OSBP2: variants seen among roughly 807,000 people sequenced by gnomAD.
OSBP2 encodes the protein oxysterol-binding protein 2.
OSBP2 carries 66 observed loss-of-function variants against 96.0 expected under a neutral mutation model. The ratio of observed to expected loss-of-function variants is 0.69; its 90% CI spans 0.56 to 0.84. The LOEUF (loss-of-function observed/expected upper bound fraction) is 0.84. Ranked by LOEUF, OSBP2 falls within the 40% of genes least tolerant of loss-of-function variation. OSBP2 has a pLI of 0.00. For missense variants in OSBP2, 1,038 were observed against 1,222.7 expected, an observed-to-expected ratio of 0.85 and a Z score of 2.25; for synonymous variants, 525 against 520.9, an observed-to-expected ratio of 1.01 and a Z score of -0.11.
chr22:30,708,621 T>C (rs963156037), intron 1 of OSBP2, among the ~76,000 whole-genome samples: 2 of 149,584 alleles, frequency 1.3e-5, no homozygotes, highest in Non-Finnish European at 3.0e-5. Flanking sequence ...CCCGAGTAGC[T>C]GGGATTACAG....
intron 1 of OSBP2, among the ~76,000 whole-genome samples, chr22:30,709,645 T>G (rs1170105461): frequency 1.3e-5 from 2 of 151,704 alleles, no homozygotes; most frequent in Non-Finnish European, 2.9e-5. Flanking sequence ...CCTCCTGAAG[T>G]GCTGAGATTA....
intron 2 of OSBP2, among the ~76,000 whole-genome samples, chr22:30,848,099 A>G (rs1232321414): frequency 6.6e-6 from 1 of 152,182 alleles, no homozygotes; most frequent in African/African-American, 2.4e-5. Flanking sequence ...ACAGAGTTCC[A>G]TTAGATTCCC....
In OSBP2 at chr22:30,888,281, T is replaced by C; in HGVS notation, c.1359T>C (p.Phe453=). The change falls in exon 5 of 14, where the codon TTT becomes TTC. Residue 453 remains phenylalanine, a synonymous_variant. Coordinates refer to ENST00000332585, the MANE Select transcript of OSBP2 (RefSeq NM_030758.4). ...AGGAAGATGAAGATACCGAGTACTT[T>C]GATGCCATGGAAGACTCCACATCCT... The part of the protein sequence containing the change: ...DSEEDEDTEY[F]DAMEDSTSFI... 1 of 1,614,002 alleles carries C rather than the reference T, an allele frequency of 6.2e-7. No individual in the cohort carries two copies. Among genetic ancestry groups the C allele is most frequent in the Non-Finnish European group, 8.5e-7 (1 of 1,179,898 alleles).
chr22:30,858,244 T>C (rs376837784), intron 2 of OSBP2, among the ~76,000 whole-genome samples: 5,394 of 149,732 alleles, frequency 0.036, 187 homozygotes, highest in African/African-American at 0.096. Context: ...CTTCCCGGGT[T>C]CACGCCATTC....
At chr22:30,843,600 A>C (rs781361141) in intron 2 of OSBP2, among the ~76,000 whole-genome samples, 51 of 152,212 alleles carry the variant, frequency 3.4e-4, no homozygotes, top group Non-Finnish European at 6.9e-4. Context: ...ACTGTAGCTC[A>C]TGCCTGTAAT....
chr22:30,720,881 TG>T (rs1174005334), intron 1 of OSBP2, among the ~76,000 whole-genome samples: 1 of 152,150 alleles, frequency 6.6e-6, no homozygotes, highest in African/African-American at 2.4e-5. Context: ...GGAACCTTGT[TG>T]TGGGAGACCC....
intron 2 of OSBP2, chr22:30,822,367 A>G: frequency 1.9e-6 from 1 of 529,832 alleles, no homozygotes. Flanking sequence ...GCGCGGGACG[A>G]GGCCGCGCTC....
chr22:30,738,519 GA>G (rs1395093019), intron 1 of OSBP2, among the ~76,000 whole-genome samples: 1 of 151,930 alleles, frequency 6.6e-6, no homozygotes, highest in East Asian at 1.9e-4. Flanking sequence ...AAGCACAAGG[GA>G]ATTGGAAAAG....
At chr22:30,819,658 T>G (rs1335559816) in intron 2 of OSBP2, among the ~76,000 whole-genome samples, 7 of 152,352 alleles carry the variant, frequency 4.6e-5, no homozygotes, top group South Asian at 2.1e-4. Flanking sequence ...TGTAAAATGA[T>G]TACATAGAAA....
intron 2 of OSBP2, among the ~76,000 whole-genome samples, chr22:30,816,583 C>A (rs994870445): frequency 2.0e-5 from 3 of 152,216 alleles, no homozygotes; most frequent in Non-Finnish European, 4.4e-5. Context: ...GGCTCCAGGG[C>A]AAAACCTTCC....
At chr22:30,745,307 G>T (rs937128176) in intron 2 of OSBP2, among the ~76,000 whole-genome samples, 2 of 152,026 alleles carry the variant, frequency 1.3e-5, no homozygotes, top group African/African-American at 4.8e-5. Flanking sequence ...CTTTATACCC[G>T]AAGGAAGTAG....
At chr22:30,790,653 T>TAAA (rs136297) in intron 2 of OSBP2, among the ~76,000 whole-genome samples, 1 of 136,972 alleles carries the variant, frequency 7.3e-6, no homozygotes, top group Non-Finnish European at 1.6e-5. Context: ...CAAACTGCAT[T>TAAA]AAAAAAAAAA....
upstream of OSBP2, chr22:30,694,136 C>G (rs1432839402): frequency 1.9e-6 from 3 of 1,549,626 alleles, no homozygotes; most frequent in African/African-American, 2.7e-5. Flanking sequence ...GGTCCAAGTT[C>G]AGAATCCCAC....
chr22:30,859,548 A>G (rs2039164419), intron 2 of OSBP2, among the ~76,000 whole-genome samples: 1 of 152,202 alleles, frequency 6.6e-6, no homozygotes. Context: ...CAGTGGTTTC[A>G]GGGGAGCTGT....
At chr22:30,857,928 T>C (rs1221825885) in intron 2 of OSBP2, among the ~76,000 whole-genome samples, 3 of 152,168 alleles carry the variant, frequency 2.0e-5, no homozygotes, top group African/African-American at 7.2e-5. Flanking sequence ...CAACCCAGCC[T>C]GTCAGTAAAT....
chr22:30,886,664 G>C (rs933131166), intron 3 of OSBP2, among the ~76,000 whole-genome samples: 6 of 152,240 alleles, frequency 3.9e-5, no homozygotes, highest in African/African-American at 1.4e-4. Flanking sequence ...TGTTATGCCA[G>C]AGTCAGGTTG....
intron 1 of OSBP2, among the ~76,000 whole-genome samples, chr22:30,705,537 C>A (rs954795249): frequency 1.3e-5 from 2 of 152,130 alleles, no homozygotes; most frequent in African/African-American, 2.4e-5. Flanking sequence ...ACATGATCCA[C>A]CTGCCTTGGC....
intron 1 of OSBP2, among the ~76,000 whole-genome samples, chr22:30,730,740 C>CTG: frequency 2.7e-5 from 1 of 36,656 alleles, no homozygotes; most frequent in Non-Finnish European, 5.3e-5. Context: ...CTCTCTCTCT[C>CTG]TCTCTCTCTC....
At chr22:30,781,638 G>A (rs1233085390) in intron 2 of OSBP2, among the ~76,000 whole-genome samples, 1 of 152,224 alleles carries the variant, frequency 6.6e-6, no homozygotes, top group East Asian at 1.9e-4. Flanking sequence ...TGACCAGGGA[G>A]CCGCATCTGC....
Sources: gnomAD v4.1 joint callset for allele counts (sites outside exome capture counted in the v4.1 genomes callset) on GRCh38, gnomAD v4.1.1 for gene constraint, MANE v1.5 for transcripts, NCBI Gene and HGNC (gene_info 2026-07-23, HGNC 2026-07-21) for gene names.